DIABLO: variants seen among roughly 807,000 people sequenced by gnomAD.
The protein encoded by DIABLO is diablo IAP-binding mitochondrial protein.
In DIABLO, 32 loss-of-function variants were observed where a neutral mutation model predicts 31.7. The observed-to-expected ratio is 1.01, with a 90% CI of 0.76 to 1.35. The LOEUF is 1.35. Among genes scored for constraint, DIABLO ranks in the 40% most tolerant of loss-of-function variants. The pLI is 0.00. For missense variants in DIABLO, 316 were observed against 286.4 expected, an observed-to-expected ratio of 1.10 and a Z score of -0.75; for synonymous variants, 132 against 103.2, an observed-to-expected ratio of 1.28 and a Z score of -1.69.
intron 3 of DIABLO, among the ~76,000 whole-genome samples, chr12:122,218,040 A>G (rs1954253480): frequency 6.6e-6 from 1 of 151,938 alleles, no homozygotes. Flanking sequence ...ATCAGGGCTC[A>G]GCAAACTTTT....
At chr12:122,214,772 G>C (rs1954167944) in intron 5 of DIABLO, among the ~76,000 whole-genome samples, 1 of 151,688 alleles carries the variant, frequency 6.6e-6, no homozygotes, top group Non-Finnish European at 1.5e-5. Context: ...TTGAGGTGCA[G>C]TGGAGCCATC....
chr12:122,225,913 C>G (rs994565728), intron 1 of DIABLO, 52 bp downstream of exon 1: 2 of 1,553,518 alleles, frequency 1.3e-6, no homozygotes, highest in African/African-American at 1.4e-5. Context: ...CAGCGCTGTC[C>G]GCGTCGGTCC....
At position 122,221,405 on chromosome 12, in the gene DIABLO, C is replaced by T. The variant is rs530061317; in HGVS notation, c.184-3008G>A. 7 of 152,260 alleles carry T rather than the reference C, an allele frequency of 4.6e-5. 1 individual carries two copies. In the South Asian group the frequency reaches 1.2e-3, roughly 27 times the overall value. 9.4% of individuals were successfully genotyped at this position (152,260 alleles called of 1,614,324 possible). A position where few individuals can be genotyped will look rare whatever the true frequency, so the allele number is the denominator to read the frequency against. ...CTTAGTTTAATTTTAGTTCTGAACG[C>T]CTCATGGAAAGCCACTGTAGGTTTT... is the stretch of plus-strand genomic sequence containing the variant. On this transcript the variant is annotated intron_variant, in intron 2 of 5. Transcript: ENST00000464942.
chr12:122,213,159 C>T (rs542838058), intron 5 of DIABLO, among the ~76,000 whole-genome samples: 1 of 151,456 alleles, frequency 6.6e-6, no homozygotes, highest in Non-Finnish European at 1.5e-5. Flanking sequence ...AGTGATCCAC[C>T]TGCTTAGGCA....
At chr12:122,225,583 C>T (rs1954442543) in intron 1 of DIABLO, 1 of 1,196,384 alleles carries the variant, frequency 8.4e-7, no homozygotes, top group Non-Finnish European at 1.0e-6. Context: ...GCCCCTTCTG[C>T]CCTCGGGAGG....
chr12:122,216,745 A>G lies in DIABLO; in HGVS notation c.426+14T>C, dbSNP rs915800136. On this transcript the variant is annotated intron_variant, in intron 4 of 5. Coordinates refer to ENST00000464942, the MANE Select transcript of DIABLO (RefSeq NM_001371333.1). ...GGTGCACTAACACAGAAATGCCTAG[A>G]ACTTTCTGCTTACCTCAGCTCTGGC... 1.9e-6 allele frequency: 3 copies of G among 1,611,450 alleles called. No homozygotes were observed. Among genetic ancestry groups the G allele is most frequent in the Non-Finnish European group, 8.5e-7 (1 of 1,177,568 alleles).
At chr12:122,217,091 A>G in intron 3 of DIABLO, 1 of 501,300 alleles carries the variant, frequency 2.0e-6, no homozygotes, top group Non-Finnish European at 3.6e-6. Context: ...TCAGCAATTC[A>G]GACACAGAAA....
chr12:122,223,448 A>T lies in DIABLO; in HGVS notation c.183+1064T>A, dbSNP rs562277031. ...ACTCTGTCTTTAAAAAAAAAAAAAA[A>T]AAATATCTTCTGCGGCTTCTTTTTC... On this transcript the variant is annotated intron_variant, in intron 2 of 5. Coordinates refer to ENST00000464942, the MANE Select transcript of DIABLO (RefSeq NM_001371333.1). Among the ~76,000 whole-genome samples the T allele has an allele frequency of 3.5e-3, 525 of 151,940 alleles. 2 individuals carry two copies. The highest frequency in any genetic ancestry group is 0.012 in the African/African-American group (494 of 41,428).
rs568011018 is a variant in DIABLO at position 122,211,364 on chromosome 12, A to G, written c.524-2787T>C. Among the ~76,000 whole-genome samples, 9 of 152,114 alleles carry G rather than the reference A, an allele frequency of 5.9e-5. No individual in the cohort carries two copies. In the East Asian group the frequency reaches 1.7e-3, roughly 29 times the overall value. ...CGGTGAGCCAAGATCAAGGAACTGC[A>G]CTCCAACCCGGGTGACAGAGTGAGA... On this transcript the variant is annotated intron_variant, in intron 5 of 5. Transcript: ENST00000464942.
intron 2 of DIABLO, among the ~76,000 whole-genome samples, chr12:122,224,267 G>A (rs1044649492): frequency 6.6e-6 from 1 of 152,152 alleles, no homozygotes. Flanking sequence ...TTTGTTGATA[G>A]ACTGTAATAT....
chr12:122,225,781 C>A (rs1041511316), intron 1 of DIABLO, 184 bp downstream of exon 1: 1 of 1,450,526 alleles, frequency 6.9e-7, no homozygotes, highest in African/African-American at 1.4e-5. Context: ...GGAAGCCGGG[C>A]TTGACCCAGG....
intron 3 of DIABLO, 86 bp downstream of exon 3, chr12:122,218,180 C>T: frequency 6.7e-7 from 1 of 1,492,646 alleles, no homozygotes; most frequent in Non-Finnish European, 9.3e-7. Flanking sequence ...AATCAAATAC[C>T]AACATGGGTA....
intron 5 of DIABLO, among the ~76,000 whole-genome samples, chr12:122,212,037 T>G (rs1269245950): frequency 6.6e-6 from 1 of 151,534 alleles, no homozygotes; most frequent in Admixed American, 6.6e-5. Flanking sequence ...AGTTTTGCCA[T>G]GTTGGCCAGG....
chr12:122,208,380 C>A lies in DIABLO; in HGVS notation c.*1G>T. The A allele has an allele frequency of 6.2e-7, 1 of 1,611,990 alleles. No individual in the cohort carries two copies. Among genetic ancestry groups the A allele is most frequent in the South Asian group, 1.1e-5 (1 of 91,004 alleles). ...GGAGACAGGGCAGTGTGCTCAGGCC[C>A]TCAATCCTCACGCAGGTAGGCCTCC... On this transcript the variant is annotated 3_prime_UTR_variant, in exon 6 of 6. Transcript: ENST00000464942.
intron 5 of DIABLO, among the ~76,000 whole-genome samples, chr12:122,215,883 G>GAAA (rs60645708): frequency 1.1e-4 from 10 of 94,250 alleles, no homozygotes; most frequent in East Asian, 4.5e-4. Context: ...TTTTATGAAG[G>GAAA]AAAAAAAAAA....
At position 122,208,365 on chromosome 12, in the gene DIABLO, C is replaced by T; in HGVS notation, c.*16G>A. The T allele has an allele frequency of 6.2e-7, 1 of 1,611,132 alleles. No homozygotes were observed. The highest frequency in any genetic ancestry group is 1.1e-5 in the South Asian group (1 of 91,000). On this transcript the variant is annotated 3_prime_UTR_variant, in exon 6 of 6. Coordinates refer to ENST00000464942, the MANE Select transcript of DIABLO (RefSeq NM_001371333.1). ...TTCCCCACTGAGTGGGGAGACAGGGCAGTGTGCTCAGGCCCTCAATCCTCA... is the reference window on the plus strand; with the variant it reads ...TTCCCCACTGAGTGGGGAGACAGGGTAGTGTGCTCAGGCCCTCAATCCTCA...
At chr12:122,210,658 C>T (rs1002755890) in intron 5 of DIABLO, among the ~76,000 whole-genome samples, 5 of 151,986 alleles carry the variant, frequency 3.3e-5, no homozygotes, top group Admixed American at 1.3e-4. Flanking sequence ...GGATTACAGG[C>T]GTGAGCCACC....
intron 5 of DIABLO, among the ~76,000 whole-genome samples, chr12:122,212,454 A>G (rs1033900982): frequency 7.8e-6 from 1 of 128,522 alleles, no homozygotes; most frequent in Admixed American, 7.0e-5. Context: ...GTAGTTGGCT[A>G]TACATAAAAT....
chr12:122,226,093 C>T (rs769911321), upstream of DIABLO: 5 of 1,541,316 alleles, frequency 3.2e-6, no homozygotes. Flanking sequence ...CGGCCTCCAC[C>T]TGAGAGCGCC....
Sources: allele counts gnomAD v4.1 joint callset (sites outside exome capture counted in the v4.1 genomes callset), GRCh38; gene constraint gnomAD v4.1.1; transcripts MANE v1.5; gene names NCBI Gene and HGNC (gene_info 2026-07-23, HGNC 2026-07-21).